The following UNC5D variants were observed in gnomAD, a reference collection of about 807,000 sequenced individuals.
UNC5D encodes unc-5 netrin receptor D.
In UNC5D, 39 loss-of-function variants were observed where a neutral mutation model predicts 105.4. The ratio of observed to expected loss-of-function variants is 0.37; its 90% CI spans 0.29 to 0.48. UNC5D has a LOEUF of 0.48. UNC5D is among the 20% of genes least tolerant of loss of function. The pLI is 0.98. For synonymous variants in UNC5D, 452 were observed against 450.4 expected (o/e 1.00, Z -0.04); for missense variants, 991 against 1,202.4 (o/e 0.82, Z 2.60).
chr8:35,302,874 G>A (rs1382322155), intron 1 of UNC5D, among the ~76,000 whole-genome samples: 4 of 151,984 alleles, frequency 2.6e-5, no homozygotes, highest in Non-Finnish European at 5.9e-5. Flanking sequence ...ACCCTACAAT[G>A]TAGTTAATAT....
chr8:35,683,470 GA>G, intron 4 of UNC5D, 76 bp from the exon 5 acceptor site: 2 of 1,451,182 alleles, frequency 1.4e-6, no homozygotes, highest in Non-Finnish European at 1.8e-6. Context: ...TCCCACACCC[GA>G]ATCTGCTCAC....
chr8:35,783,980 A>G (rs1802625091), intron 16 of UNC5D, among the ~76,000 whole-genome samples: 1 of 152,294 alleles, frequency 6.6e-6, no homozygotes, highest in East Asian at 1.9e-4. Context: ...GAAAATTAAG[A>G]TTCTATAAAA....
intron 1 of UNC5D, among the ~76,000 whole-genome samples, chr8:35,459,096 CATTG>C (rs1287043220): frequency 2.0e-5 from 3 of 152,102 alleles, no homozygotes; most frequent in African/African-American, 4.8e-5. Context: ...CCATTGAAGT[CATTG>C]ATTGATGTAT....
At chr8:35,423,291 G>A (rs1806032948) in intron 1 of UNC5D, among the ~76,000 whole-genome samples, 1 of 152,140 alleles carries the variant, frequency 6.6e-6, no homozygotes, top group South Asian at 2.1e-4. Flanking sequence ...CATCTTCACA[G>A]ATAAGCTCAG....
chr8:35,537,672 AAAAT>A (rs1437241944), intron 1 of UNC5D, among the ~76,000 whole-genome samples: 3 of 151,580 alleles, frequency 2.0e-5, no homozygotes, highest in African/African-American at 2.4e-5. Context: ...ATCTTGTCTC[AAAAT>A]AAATAAATAA....
chr8:35,584,649 C>T (rs1021745540), intron 3 of UNC5D, among the ~76,000 whole-genome samples: 1 of 151,942 alleles, frequency 6.6e-6, no homozygotes, highest in Non-Finnish European at 1.5e-5. Flanking sequence ...GAGGGTCTCA[C>T]TGTGTGGCCC....
At chr8:35,743,741 T>C (rs1485220585) in intron 11 of UNC5D, among the ~76,000 whole-genome samples, 5 of 152,102 alleles carry the variant, frequency 3.3e-5, no homozygotes, top group African/African-American at 1.2e-4. Flanking sequence ...CCTCTCTCCT[T>C]CATATACGTA....
At chr8:35,365,700 A>T (rs1342876136) in intron 1 of UNC5D, among the ~76,000 whole-genome samples, 1 of 151,654 alleles carries the variant, frequency 6.6e-6, no homozygotes, top group Non-Finnish European at 1.5e-5. Context: ...ATTTCTGTAG[A>T]TACCAGGTAC....
chr8:35,709,069 G>A (rs1253306434), intron 8 of UNC5D, among the ~76,000 whole-genome samples: 1 of 151,596 alleles, frequency 6.6e-6, no homozygotes, highest in African/African-American at 2.4e-5. Context: ...TGACTATTCT[G>A]CCACCTACTA....
At chr8:35,584,783 A>T (rs955160770) in intron 3 of UNC5D, among the ~76,000 whole-genome samples, 1 of 151,996 alleles carries the variant, frequency 6.6e-6, no homozygotes, top group East Asian at 1.9e-4. Flanking sequence ...TCGTTTGGCT[A>T]TGTTATAGCC....
intron 10 of UNC5D, among the ~76,000 whole-genome samples, chr8:35,729,637 G>A (rs574851952): frequency 1.2e-4 from 18 of 152,310 alleles, no homozygotes; most frequent in African/African-American, 4.1e-4. Flanking sequence ...CCTGTGTCTT[G>A]CAACTTGTGT....
intron 13 of UNC5D, among the ~76,000 whole-genome samples, chr8:35,755,819 G>A (rs1158873926): frequency 6.6e-6 from 1 of 152,180 alleles, no homozygotes; most frequent in Non-Finnish European, 1.5e-5. Context: ...GTATTTAACA[G>A]GAGGTCCTTG....
chr8:35,703,544 C>T (rs1374694776), intron 7 of UNC5D, among the ~76,000 whole-genome samples: 1 of 152,228 alleles, frequency 6.6e-6, no homozygotes, highest in Non-Finnish European at 1.5e-5. Flanking sequence ...GTCTCAAGTC[C>T]ATGGCCCTGG....
intron 4 of UNC5D, among the ~76,000 whole-genome samples, chr8:35,625,915 A>G (rs1307764512): frequency 1.3e-5 from 2 of 152,212 alleles, no homozygotes; most frequent in African/African-American, 2.4e-5. Flanking sequence ...TGGTTTTGCA[A>G]TAAGCAAACA....
At chr8:35,788,607 A>G (rs1802860168) in intron 16 of UNC5D, among the ~76,000 whole-genome samples, 1 of 152,066 alleles carries the variant, frequency 6.6e-6, no homozygotes. Flanking sequence ...TAGTATTATC[A>G]TAAGTGCTGT....
At chr8:35,310,511 A>G (rs1808793687) in intron 1 of UNC5D, among the ~76,000 whole-genome samples, 1 of 152,024 alleles carries the variant, frequency 6.6e-6, no homozygotes, top group South Asian at 2.1e-4. Flanking sequence ...TCCCACCTAC[A>G]GGGGTGACTG....
chr8:35,643,745 TG>T (rs1422965178), intron 4 of UNC5D, among the ~76,000 whole-genome samples: 1 of 152,096 alleles, frequency 6.6e-6, no homozygotes, highest in Non-Finnish European at 1.5e-5. Context: ...GGCTTCTAAA[TG>T]TCTAAAAAAT....
In UNC5D at chr8:35,791,076, G is replaced by C. The variant is rs1803018740; in HGVS notation, c.*513G>C. The C allele has an allele frequency of 5.6e-6, 1 of 179,582 alleles. No homozygotes were observed. Among genetic ancestry groups the C allele is most frequent in the African/African-American group, 2.4e-5 (1 of 42,054 alleles). The allele number at this position is 179,582 out of a possible 1,614,324, so 11.1% of individuals were successfully genotyped here. On this transcript the variant is annotated 3_prime_UTR_variant, in exon 17 of 17. Coordinates refer to ENST00000404895, the MANE Select transcript of UNC5D (RefSeq NM_080872.4). ...ATTTGTATGACTTCAACAACGTCAA[G>C]GAGGGCATTTAGAATTTAGAATCTG... is the stretch of plus-strand genomic sequence containing the variant.
intron 4 of UNC5D, among the ~76,000 whole-genome samples, chr8:35,629,508 A>G (rs1233161903): frequency 6.6e-6 from 1 of 152,154 alleles, no homozygotes; most frequent in Non-Finnish European, 1.5e-5. Context: ...ATTCATGGAC[A>G]TAAAGATGGA....
Sources: allele counts gnomAD v4.1 joint callset (sites outside exome capture counted in the v4.1 genomes callset), GRCh38; gene constraint gnomAD v4.1.1; transcripts MANE v1.5; gene names NCBI Gene and HGNC (gene_info 2026-07-23, HGNC 2026-07-21).